The following ARHGEF26 variants were observed in gnomAD, a reference collection of about 807,000 sequenced individuals.
ARHGEF26 encodes Rho guanine nucleotide exchange factor 26.
In ARHGEF26, 59 loss-of-function variants were observed where a neutral mutation model predicts 89.4. The observed-to-expected ratio is 0.66, with a 90% CI of 0.54 to 0.82. The LOEUF is 0.82. Ranked by LOEUF, ARHGEF26 falls within the 40% of genes least tolerant of loss-of-function variation. The pLI, the probability that ARHGEF26 is intolerant of heterozygous loss-of-function variation, is 0.00. For missense variants in ARHGEF26, 1,234 were observed against 1,085.6 expected (o/e 1.14, Z -1.92); for synonymous variants, 500 against 428.4 (o/e 1.17, Z -2.06).
Position 154,205,126 on chromosome 3 carries a change from A to G in ARHGEF26, c.1845+10408A>G, listed in dbSNP as rs558167511. ...TGTTGAAGTCTCTAGCTATTATGGT[A>G]CTATGGTGTATCTCTTTCTTTACCT... On this transcript the variant is annotated intron_variant, in intron 9 of 14. Coordinates refer to ENST00000465093, the MANE Select transcript of ARHGEF26 (RefSeq NM_015595.4). Among the ~76,000 whole-genome samples the G allele has an allele frequency of 4.6e-5, 7 of 152,178 alleles. No individual in the cohort carries two copies. The South Asian group carries it at 1.3e-3, about 27-fold the overall frequency.
intron 12 of ARHGEF26, among the ~76,000 whole-genome samples, chr3:154,243,631 T>C (rs930247969): frequency 6.6e-6 from 1 of 152,220 alleles, no homozygotes; most frequent in African/African-American, 2.4e-5. Context: ...CCCATAGGTC[T>C]GACTCATATT....
chr3:154,186,886 CTTTTTTTTTTT>C lies in ARHGEF26; in HGVS notation c.1488-781_1488-771del, dbSNP rs201150057. 1.5e-3 allele frequency among the ~76,000 whole-genome samples: 122 copies of C among 82,080 alleles called. 1 individual carries two copies. The highest frequency in any genetic ancestry group is 5.3e-3 in the African/African-American group (112 of 21,170). 53.8% of individuals were successfully genotyped at this position (82,080 alleles called of 152,430 possible). A position where few individuals can be genotyped will look rare whatever the true frequency, so the allele number is the denominator to read the frequency against. ...CATATACTGTTAGATTTATTTCAGA[CTTTTTTTTTTT>C]TTTTTTTTTTTTTTTTTGAGACGGA... On this transcript the variant is annotated intron_variant, in intron 6 of 14. Coordinates refer to ENST00000465093, the MANE Select transcript of ARHGEF26 (RefSeq NM_015595.4).
At chr3:154,143,185 A>G (rs1219506109) in intron 4 of ARHGEF26, among the ~76,000 whole-genome samples, 1 of 152,244 alleles carries the variant, frequency 6.6e-6, no homozygotes, top group Non-Finnish European at 1.5e-5. Context: ...GAAAGTACCA[A>G]TAGATAAAAA....
chr3:154,123,389 T>G (rs1718120635), intron 2 of ARHGEF26, among the ~76,000 whole-genome samples: 1 of 152,104 alleles, frequency 6.6e-6, no homozygotes, highest in Admixed American at 6.5e-5. Flanking sequence ...TTAAAAGAGA[T>G]AGCTGAAAGG....
intron 6 of ARHGEF26, among the ~76,000 whole-genome samples, chr3:154,186,136 G>GACACACACACACAC (rs60675240): frequency 0.014 from 2,066 of 146,998 alleles, 24 homozygotes; most frequent in African/African-American, 0.022. Flanking sequence ...CACACACTTA[G>GACACACACACACAC]ACACACACAC....
rs943218565 is a variant in ARHGEF26 at position 154,257,744 on chromosome 3, G to A, written c.*2271G>A. ...GACTTCATTACTAAAGAACAAAAAT[G>A]TTCATTTTTGTCCCAGTAAATTGAG... On this transcript the variant is annotated 3_prime_UTR_variant, in exon 15 of 15. Transcript: ENST00000465093. 70 of 151,156 alleles carry A rather than the reference G, an allele frequency of 4.6e-4. 2 individuals carry two copies. The highest frequency in any genetic ancestry group is 4.4e-5 in the Non-Finnish European group (3 of 68,006). 9.4% of individuals were successfully genotyped at this position (151,156 alleles called of 1,614,324 possible). A position where few individuals can be genotyped will look rare whatever the true frequency, so the allele number is the denominator to read the frequency against.
chr3:154,152,575 T>G lies in ARHGEF26; in HGVS notation c.1327-197T>G, dbSNP rs147359417. Among the ~76,000 whole-genome samples, 651 of 152,324 alleles carry G rather than the reference T, an allele frequency of 4.3e-3. 2 individuals carry two copies. The highest frequency in any genetic ancestry group is 6.8e-3 in the Admixed American group (104 of 15,302). The stretch of plus-strand genomic sequence containing the variant: ...CATATTTACAGATAGTGATTATTTT[T>G]TAAGATTTGGGTAAATGTATATTAT... On this transcript the variant is annotated intron_variant, in intron 5 of 14. Transcript: ENST00000465093.
chr3:154,135,324 A>T (rs2108058836), intron 4 of ARHGEF26, among the ~76,000 whole-genome samples: 3 of 152,210 alleles, frequency 2.0e-5, no homozygotes, highest in Middle Eastern at 6.8e-3. Context: ...TGTGTTCACG[A>T]ATTTATCCAT....
chr3:154,241,763 C>G (rs2108285521), intron 12 of ARHGEF26, among the ~76,000 whole-genome samples: 1 of 152,304 alleles, frequency 6.6e-6, no homozygotes, highest in South Asian at 2.1e-4. Context: ...AAGGGCTATT[C>G]TGGCTAAACT....
chr3:154,194,795 G>T (rs1288929517), intron 9 of ARHGEF26, 77 bp downstream of exon 9: 3 of 1,293,644 alleles, frequency 2.3e-6, no homozygotes, highest in African/African-American at 2.9e-5. Context: ...GTCTTGGCTT[G>T]ATGCTGAAAA....
chr3:154,189,334 ATTTT>A (rs35633646), intron 7 of ARHGEF26, among the ~76,000 whole-genome samples: 1 of 112,268 alleles, frequency 8.9e-6, no homozygotes. Context: ...AGTTGATGTG[ATTTT>A]TTTTTTTTTT....
intron 6 of ARHGEF26, among the ~76,000 whole-genome samples, chr3:154,153,751 T>C (rs1720161520): frequency 6.6e-6 from 1 of 152,036 alleles, no homozygotes; most frequent in Non-Finnish European, 1.5e-5. Context: ...TTTTTAGTAA[T>C]ACTTTATGAT....
At position 154,256,362 on chromosome 3, in the gene ARHGEF26, G is replaced by C. The variant is rs149674247; in HGVS notation, c.*889G>C. The C allele has an allele frequency of 1.7e-4, 137 of 792,306 alleles. No homozygotes were observed. The African/African-American group carries it at 2.5e-3, about 14-fold the overall frequency. 49.1% of individuals were successfully genotyped at this position (792,306 alleles called of 1,614,324 possible). A position where few individuals can be genotyped will look rare whatever the true frequency, so the allele number is the denominator to read the frequency against. On this transcript the variant is annotated 3_prime_UTR_variant, in exon 15 of 15. Transcript: ENST00000465093. Reference sequence around the variant, plus strand: ...CTCAGCCTCCCAAGTAGCTGGGATTGTAAGAGTATGCCACCACGCCCAGCT... The same window carrying C: ...CTCAGCCTCCCAAGTAGCTGGGATTCTAAGAGTATGCCACCACGCCCAGCT...
At chr3:154,191,450 G>A (rs757974542) in intron 8 of ARHGEF26, 32 bp downstream of exon 8, 2 of 1,599,538 alleles carry the variant, frequency 1.3e-6, no homozygotes, top group South Asian at 2.3e-5. Context: ...TTCCTCTGTG[G>A]ATAGCTGTGC....
At chr3:154,214,358 C>G (rs1185051981) in intron 9 of ARHGEF26, among the ~76,000 whole-genome samples, 1 of 152,098 alleles carries the variant, frequency 6.6e-6, no homozygotes, top group Non-Finnish European at 1.5e-5. Context: ...ATCCAGGCAG[C>G]AAGAGGTCTG....
chr3:154,255,318 T>C lies in ARHGEF26; in HGVS notation c.2474-13T>C, dbSNP rs771648382. The C allele has an allele frequency of 6.2e-7, 1 of 1,610,286 alleles. No individual in the cohort carries two copies. Among genetic ancestry groups the C allele is most frequent in the South Asian group, 1.1e-5 (1 of 90,454 alleles). On this transcript the variant is annotated splice_polypyrimidine_tract_variant and intron_variant, in intron 14 of 14. Transcript: ENST00000465093. Reference sequence around the variant, plus strand: ...TACTTGTTGTTTGGTGTGGACTCTGTTCTTTTTCACAGGCTGGTATGAGGG... The same window carrying C: ...TACTTGTTGTTTGGTGTGGACTCTGCTCTTTTTCACAGGCTGGTATGAGGG...
intron 9 of ARHGEF26, among the ~76,000 whole-genome samples, chr3:154,217,244 G>T (rs369906332): frequency 6.7e-6 from 1 of 150,166 alleles, no homozygotes; most frequent in Non-Finnish European, 1.5e-5. Flanking sequence ...GTGTGAGATG[G>T]TATCTCATTG....
intron 4 of ARHGEF26, 141 bp downstream of exon 4, chr3:154,129,860 C>T (rs887564267): frequency 1.4e-5 from 14 of 1,025,570 alleles, no homozygotes; most frequent in Admixed American, 2.9e-5. Context: ...AAATGTTTCT[C>T]GGAACTCTGC....
intron 3 of ARHGEF26, among the ~76,000 whole-genome samples, chr3:154,128,722 G>T (rs1442402096): frequency 6.6e-6 from 1 of 152,092 alleles, no homozygotes; most frequent in Non-Finnish European, 1.5e-5. Context: ...AACATCAAGG[G>T]CCTTTTCTTT....
Sources: allele counts gnomAD v4.1 joint callset (sites outside exome capture counted in the v4.1 genomes callset), GRCh38; gene constraint gnomAD v4.1.1; transcripts MANE v1.5; gene names NCBI Gene and HGNC (gene_info 2026-07-23, HGNC 2026-07-21).